The following ELMO1 variants were observed in gnomAD, a reference collection of about 807,000 sequenced individuals.
ELMO1 encodes the protein engulfment and cell motility 1.
ELMO1 carries 26 observed loss-of-function variants against 98.9 expected under a neutral mutation model. The ratio of observed to expected loss-of-function variants is 0.26; its 90% confidence interval spans 0.19 to 0.36. The LOEUF (loss-of-function observed/expected upper bound fraction) is 0.36, where lower values mean the gene tolerates loss of function less well. Among genes scored for constraint, ELMO1 ranks in the 10% least tolerant of loss-of-function variants. The pLI is 1.00. For synonymous variants in ELMO1, 346 were observed against 346.0 expected, an observed-to-expected ratio of 1.00 and a Z score of 0.00; for missense variants, 627 against 935.2, an observed-to-expected ratio of 0.67 and a Z score of 4.30.
intron 16 of ELMO1, among the ~76,000 whole-genome samples, chr7:36,944,525 T>C (rs1787314168): frequency 6.6e-6 from 1 of 152,234 alleles, no homozygotes; most frequent in Non-Finnish European, 1.5e-5. Context: ...AAAAGATGAT[T>C]CATTATTTTC....
chr7:37,438,815 C>T (rs1471874874), intron 1 of ELMO1, among the ~76,000 whole-genome samples: 2 of 152,204 alleles, frequency 1.3e-5, no homozygotes, highest in South Asian at 4.1e-4. Context: ...ATCTGCTGTA[C>T]TCAACAGGAG....
At chr7:37,449,116 C>T (rs1309091349), upstream of ELMO1, 1 of 152,316 alleles carries the variant, frequency 6.6e-6, no homozygotes, top group Admixed American at 6.5e-5. Flanking sequence ...GGGGGATGCC[C>T]ACGACTTTTT....
intron 13 of ELMO1, among the ~76,000 whole-genome samples, chr7:37,192,901 G>A (rs1223635438): frequency 1.5e-5 from 2 of 137,070 alleles, no homozygotes; most frequent in African/African-American, 2.7e-5. Context: ...TTTATCTATA[G>A]ATACATATAT....
intron 4 of ELMO1, among the ~76,000 whole-genome samples, chr7:37,275,226 A>T (rs984911246): frequency 3.9e-5 from 6 of 152,310 alleles, no homozygotes; most frequent in Admixed American, 6.5e-5. Flanking sequence ...ACTGCTAAGG[A>T]ATGCTCCTCG....
intron 2 of ELMO1, among the ~76,000 whole-genome samples, chr7:37,331,413 A>G (rs960192090): frequency 2.3e-5 from 3 of 132,342 alleles, no homozygotes; most frequent in Non-Finnish European, 3.1e-5. Context: ...CGATCTCCTG[A>G]CCTCATGATC....
At chr7:37,178,849 A>T (rs1790663475) in intron 13 of ELMO1, among the ~76,000 whole-genome samples, 1 of 152,198 alleles carries the variant, frequency 6.6e-6, no homozygotes, top group Non-Finnish European at 1.5e-5. Context: ...CTTGCTAGGA[A>T]ATATCAAGGC....
intron 1 of ELMO1, among the ~76,000 whole-genome samples, chr7:37,367,639 A>G (rs1801956978): frequency 1.3e-5 from 2 of 152,208 alleles, no homozygotes; most frequent in African/African-American, 4.8e-5. Context: ...TTAATTAAGC[A>G]TAGTGCAAAT....
At chr7:36,976,982 C>T (rs565828792) in intron 16 of ELMO1, among the ~76,000 whole-genome samples, 1 of 152,202 alleles carries the variant, frequency 6.6e-6, no homozygotes, top group African/African-American at 2.4e-5. Context: ...AATCAAGACA[C>T]ACTTGGATTT....
chr7:37,183,529 A>G (rs1471920346), intron 13 of ELMO1, among the ~76,000 whole-genome samples: 1 of 147,970 alleles, frequency 6.8e-6, no homozygotes, highest in African/African-American at 2.5e-5. Flanking sequence ...AGGCCTAGAA[A>G]AGCTGACCTC....
intron 14 of ELMO1, among the ~76,000 whole-genome samples, chr7:37,103,136 G>A (rs1345443547): frequency 6.6e-6 from 1 of 152,202 alleles, no homozygotes; most frequent in African/African-American, 2.4e-5. Context: ...ACACTTGATG[G>A]AGACAACTGA....
At chr7:37,338,954 G>A (rs908732175) in intron 2 of ELMO1, among the ~76,000 whole-genome samples, 1 of 152,170 alleles carries the variant, frequency 6.6e-6, no homozygotes, top group Non-Finnish European at 1.5e-5. Flanking sequence ...GTCCATCATG[G>A]GCAGACGTCC....
chr7:37,155,908 G>C (rs1407253208), intron 13 of ELMO1, among the ~76,000 whole-genome samples: 3 of 152,010 alleles, frequency 2.0e-5, no homozygotes, highest in Non-Finnish European at 4.4e-5. Context: ...TTCCACAATT[G>C]ACCACATAAT....
chr7:37,344,342 A>G (rs1027393078), intron 1 of ELMO1, among the ~76,000 whole-genome samples: 2 of 152,050 alleles, frequency 1.3e-5, no homozygotes, highest in Non-Finnish European at 2.9e-5. Flanking sequence ...AAAAGGGAGC[A>G]TTCTTTTTGT....
intron 9 of ELMO1, 71 bp from the exon 10 acceptor site, chr7:37,222,764 T>G: frequency 6.9e-7 from 1 of 1,439,484 alleles, no homozygotes; most frequent in East Asian, 2.3e-5. Context: ...GGTCAAACCA[T>G]GAAAAGGCTC....
chr7:37,160,250 A>G (rs1789107636), intron 13 of ELMO1, among the ~76,000 whole-genome samples: 1 of 152,226 alleles, frequency 6.6e-6, no homozygotes, highest in Non-Finnish European at 1.5e-5. Context: ...AAAATATTAA[A>G]GCTGACCCTT....
rs1791610105 is a variant in ELMO1, at chr7:37,191,915, A to ACG, written c.1086+19470_1086+19471insCG. Among the ~76,000 whole-genome samples the ACG allele has an allele frequency of 2.6e-5, 4 of 151,590 alleles. No individual in the cohort carries two copies. In the South Asian group the frequency reaches 8.3e-4, roughly 32 times the overall value. ...CTGGGCGAAAGAGGAAGACTCCATCACACACACACACACAAAATGTTATCT... is the reference window on the plus strand; with the variant it reads ...CTGGGCGAAAGAGGAAGACTCCATCACGCACACACACACACAAAATGTTATCT... On this transcript the variant is annotated intron_variant, in intron 13 of 21. Transcript: ENST00000310758.
chr7:37,043,858 C>T (rs536734775), intron 15 of ELMO1, among the ~76,000 whole-genome samples: 21 of 151,918 alleles, frequency 1.4e-4, no homozygotes, highest in African/African-American at 4.6e-4. Flanking sequence ...AGAACTCAGG[C>T]GTCCTTTGCT....
At chr7:37,033,974 T>C (rs1389636512) in intron 15 of ELMO1, among the ~76,000 whole-genome samples, 1 of 152,170 alleles carries the variant, frequency 6.6e-6, no homozygotes, top group Non-Finnish European at 1.5e-5. Context: ...AATTAGAGCA[T>C]TAGTGGACTT....
At chr7:37,217,440 T>C (rs1431666664) in intron 10 of ELMO1, among the ~76,000 whole-genome samples, 2 of 152,142 alleles carry the variant, frequency 1.3e-5, no homozygotes, top group Non-Finnish European at 2.9e-5. Flanking sequence ...AAAATACTGC[T>C]CATATTCAGG....
Sources: allele counts gnomAD v4.1 joint callset (sites outside exome capture counted in the v4.1 genomes callset), GRCh38; gene constraint gnomAD v4.1.1; transcripts MANE v1.5; gene names NCBI Gene and HGNC (gene_info 2026-07-23, HGNC 2026-07-21).